Variants in GOLGA4 observed in about 807,000 individuals in gnomAD.
GOLGA4 encodes golgin A4.
Under a neutral mutation model 265.9 loss-of-function variants are expected in GOLGA4, and 169 were observed. That is an observed-to-expected ratio of 0.64 (90% CI 0.56 to 0.72). GOLGA4 has a LOEUF of 0.72. GOLGA4 is among the 30% of genes least tolerant of loss of function. The pLI, the probability that GOLGA4 is intolerant of heterozygous loss-of-function variation, is 0.00. For synonymous variants in GOLGA4, 923 were observed against 855.8 expected (o/e 1.08, Z -1.37); for missense variants, 2,482 against 2,483.4 (o/e 1.00, Z 0.01).
chr3:37,287,237 A>T (rs2096852009), intron 4 of GOLGA4, among the ~76,000 whole-genome samples: 1 of 152,172 alleles, frequency 6.6e-6, no homozygotes, highest in Admixed American at 6.5e-5. Context: ...GCTACTCGGG[A>T]GGCTGAGGCA....
chr3:37,328,623 C>A, intron 15 of GOLGA4, 86 bp downstream of exon 15: 3 of 1,156,914 alleles, frequency 2.6e-6, no homozygotes, highest in Non-Finnish European at 2.4e-6. Flanking sequence ...GTGGTAAGTG[C>A]ATTAAGTCAT....
At chr3:37,339,245 A>G (rs183309025) in intron 19 of GOLGA4, among the ~76,000 whole-genome samples, 138 of 152,256 alleles carry the variant, frequency 9.1e-4, no homozygotes, top group Admixed American at 2.0e-3. Context: ...ATTTCTTGTT[A>G]TGGCTGAATA....
At position 37,284,287 on chromosome 3, in the gene GOLGA4, C is replaced by T. The variant is rs151029754; in HGVS notation, c.478-1727C>T. Among the ~76,000 whole-genome samples, 742 of 151,970 alleles carry T rather than the reference C, an allele frequency of 4.9e-3. 9 individuals carry two copies. The highest frequency in any genetic ancestry group is 0.017 in the African/African-American group (706 of 41,442). ...CACCATTTTTCTTTTTTTTGTGAGA[C>T]GGAGTCTCACTCTGTAGCCCAGGGT... On this transcript the variant is annotated intron_variant, in intron 3 of 23. Coordinates refer to ENST00000361924, the MANE Select transcript of GOLGA4 (RefSeq NM_002078.5).
Position 37,364,350 on chromosome 3 carries a change from C to G in GOLGA4, c.*34-1730C>G, listed in dbSNP as rs182570288. Among the ~76,000 whole-genome samples, 627 of 152,200 alleles carry G rather than the reference C, an allele frequency of 4.1e-3. 8 individuals carry two copies. The highest frequency in any genetic ancestry group is 0.014 in the African/African-American group (583 of 41,530). ...CCACCTCCCAGGCTCAAGTGATTCT[C>G]CTGCCTCAGCCTCCTGAGTAGCTGG... On this transcript the variant is annotated intron_variant, in intron 23 of 23. Coordinates refer to ENST00000361924, the MANE Select transcript of GOLGA4 (RefSeq NM_002078.5).
At chr3:37,322,792 A>C (rs1000676561) in intron 13 of GOLGA4, among the ~76,000 whole-genome samples, 15 of 152,168 alleles carry the variant, frequency 9.9e-5, no homozygotes, top group Admixed American at 7.2e-4. Flanking sequence ...AGATAATAAT[A>C]ATCTTTGTTA....
chr3:37,247,848 T>C (rs1030179810), intron 1 of GOLGA4, among the ~76,000 whole-genome samples: 2 of 152,188 alleles, frequency 1.3e-5, no homozygotes, highest in Admixed American at 1.3e-4. Flanking sequence ...TACCAGCAGC[T>C]CCTTGCCACG....
chr3:37,337,713 A>G lies in GOLGA4; in HGVS notation c.6375A>G (p.Lys2125=). ...KTTLISDSKL[K]EQEFREQIHN... Reference sequence around the variant, plus strand: ...CTTTAATCAGTGATTCGAAATTGAAAGAGCAAGAGTTCAGAGAACAGGTAC... The same window carrying G: ...CTTTAATCAGTGATTCGAAATTGAAGGAGCAAGAGTTCAGAGAACAGGTAC... Residue 2125 remains lysine (K), a synonymous_variant, in exon 19 of 24, where the codon AAA becomes AAG. Transcript: ENST00000361924. 1 of 1,610,316 alleles carries G rather than the reference A, an allele frequency of 6.2e-7. No homozygotes were observed. Among genetic ancestry groups the G allele is most frequent in the Non-Finnish European group, 8.5e-7 (1 of 1,176,524 alleles).
At position 37,243,294 on chromosome 3, in the gene GOLGA4, C is replaced by A. The variant is rs2096707707; in HGVS notation, c.-257C>A. 1 of 541,362 alleles carries A rather than the reference C, an allele frequency of 1.8e-6. No homozygotes were observed. The highest frequency in any genetic ancestry group is 2.0e-5 in the African/African-American group (1 of 50,876). 33.5% of individuals were successfully genotyped at this position (541,362 alleles called of 1,614,324 possible). ...ACAGTTCACCTGCTGCCGTTGTCGTCGCCGCCGCGGCTCCCGGGGCTGGAT... is the reference window on the plus strand; with the variant it reads ...ACAGTTCACCTGCTGCCGTTGTCGTAGCCGCCGCGGCTCCCGGGGCTGGAT... On this transcript the variant is annotated 5_prime_UTR_variant, in exon 1 of 24. Coordinates refer to ENST00000361924, the MANE Select transcript of GOLGA4 (RefSeq NM_002078.5).
At chr3:37,289,705 C>T (rs1026371571) in intron 5 of GOLGA4, among the ~76,000 whole-genome samples, 4 of 152,078 alleles carry the variant, frequency 2.6e-5, no homozygotes, top group East Asian at 1.9e-4. Context: ...TTATGTCTTC[C>T]TGAGGGCCAT....
Position 37,325,769 on chromosome 3 carries a change from G to C in GOLGA4, c.3883G>C (p.Ala1295Pro), listed in dbSNP as rs750538392. The C allele has an allele frequency of 1.4e-5, 22 of 1,613,174 alleles. No homozygotes were observed. Among genetic ancestry groups the C allele is most frequent in the Non-Finnish European group, 1.7e-5 (20 of 1,179,486 alleles). ...TACACTAAATATTTCTTTTCAACAG[G>C]CTACTCATCAGTTAGAAGAAAAAGA... Reference protein sequence around the residue: ...QNTLNISFQQATHQLEEKENQ... With the variant: ...QNTLNISFQQPTHQLEEKENQ... The change falls in exon 14 of 24, where the codon GCT (alanine) becomes CCT (proline). Residue 1295 changes from alanine (A) to proline (P), a missense_variant. Around this residue, in one of 3 missense-constraint regions of GOLGA4, gnomAD observed 1,536 missense variants for 1,483.7 expected, o/e 1.04. Coordinates refer to ENST00000361924, the MANE Select transcript of GOLGA4 (RefSeq NM_002078.5).
intron 5 of GOLGA4, among the ~76,000 whole-genome samples, chr3:37,294,574 G>A (rs958186879): frequency 6.6e-6 from 1 of 151,940 alleles, no homozygotes. Context: ...TAGTAGAGAC[G>A]GGGTTTCACC....
chr3:37,272,573 A>G (rs2096801640), intron 2 of GOLGA4, among the ~76,000 whole-genome samples: 1 of 152,204 alleles, frequency 6.6e-6, no homozygotes, highest in Non-Finnish European at 1.5e-5. Context: ...CCACAATATT[A>G]TTTATCACAC....
intron 2 of GOLGA4, among the ~76,000 whole-genome samples, chr3:37,261,095 C>T (rs1450375363): frequency 1.3e-5 from 2 of 151,606 alleles, no homozygotes; most frequent in Admixed American, 6.6e-5. Flanking sequence ...TTTTTGATCC[C>T]AGGAGGTCGA....
rs975131073 is a variant in GOLGA4 at position 37,282,106 on chromosome 3, G to A, written c.311G>A (p.Arg104Gln). The change falls in exon 3 of 24, where the codon CGA becomes CAA. Residue 104 changes from arginine (R) to glutamine (Q), a missense_variant. Physicochemically the swap from Arg to Gln is conservative, Grantham distance 43 (BLOSUM62 1). Coordinates refer to ENST00000361924, the MANE Select transcript of GOLGA4 (RefSeq NM_002078.5). The stretch of plus-strand genomic sequence containing the variant: ...ACATCTTCCAGAGAATCCCTGAATC[G>A]ACTTGACCTGGACAGTTCTACTGCC... ...VRTSSRESLN[R>Q]LDLDSSTASF... 1.2e-6 allele frequency: 2 copies of A among 1,614,162 alleles called. No homozygotes were observed. The highest frequency in any genetic ancestry group is 8.5e-7 in the Non-Finnish European group (1 of 1,180,028).
intron 2 of GOLGA4, among the ~76,000 whole-genome samples, chr3:37,254,783 C>T (rs373464942): frequency 4.4e-4 from 66 of 148,808 alleles, no homozygotes; most frequent in Admixed American, 7.3e-4. Context: ...ATTACGGGCG[C>T]GAGCCACTGT....
At chr3:37,362,206 TTTA>T (rs1336793379) in intron 23 of GOLGA4, among the ~76,000 whole-genome samples, 2 of 31,998 alleles carry the variant, frequency 6.3e-5, no homozygotes, top group African/African-American at 9.7e-5. Context: ...CTTTTATTTA[TTTA>T]TTTATTTATT....
At position 37,282,207 on chromosome 3, in the gene GOLGA4, C is replaced by T. The variant is rs755298938; in HGVS notation, c.412C>T (p.Gln138Ter). Reference protein sequence around the residue: ...VGNSDSLNKEQLIQRLRRMER... With the variant: ...VGNSDSLNKE The stretch of plus-strand genomic sequence containing the variant: ...GAATTCAGACAGTCTCAACAAAGAA[C>T]AGTTGATTCAGCGGTTGCGAAGAAT... Residue 138 changes from glutamine to a stop codon, truncating the protein, a stop_gained, in exon 3 of 24, where the codon CAG becomes TAG. Transcript: ENST00000361924. LOFTEE classifies it high-confidence loss of function. 6.2e-7 allele frequency: 1 copy of T among 1,614,078 alleles called. No individual in the cohort carries two copies. The highest frequency in any genetic ancestry group is 1.1e-5 in the South Asian group (1 of 91,088).
chr3:37,365,427 G>A (rs1468567151), intron 23 of GOLGA4, among the ~76,000 whole-genome samples: 2 of 152,034 alleles, frequency 1.3e-5, no homozygotes, highest in Non-Finnish European at 2.9e-5. Context: ...CACCACGGCC[G>A]GCTAATTTTT....
In GOLGA4 at chr3:37,325,457, T is replaced by C. The variant is rs1185940482; in HGVS notation, c.3571T>C (p.Ser1191Pro). The stretch of plus-strand genomic sequence containing the variant: ...TGAAGAATTCCAGAGTTTGAAATCT[T>C]CACATGAAAAAAGTAACAAAAGCCT... Reference protein sequence around the residue: ...TDEEFQSLKSSHEKSNKSLED... With the variant: ...TDEEFQSLKSPHEKSNKSLED... The change falls in exon 14 of 24, where the codon TCA becomes CCA. Residue 1191 changes from serine to proline, a missense_variant. This residue lies in a region of GOLGA4 where 1,536 missense variants were observed against 1,483.7 expected (regional missense o/e 1.04). Coordinates refer to ENST00000361924, the MANE Select transcript of GOLGA4 (RefSeq NM_002078.5). The C allele has an allele frequency of 2.5e-6, 4 of 1,611,488 alleles. No individual in the cohort carries two copies. Among genetic ancestry groups the C allele is most frequent in the Non-Finnish European group, 3.4e-6 (4 of 1,179,316 alleles).
Sources: gnomAD v4.1 joint callset for allele counts (sites outside exome capture counted in the v4.1 genomes callset) on GRCh38, gnomAD v4.1.1 for gene constraint, gnomAD v4.1.1 regional missense constraint, MANE v1.5 for transcripts, NCBI Gene and HGNC (gene_info 2026-07-23, HGNC 2026-07-21) for gene names.